The following ZBTB20 variants were observed in gnomAD, a reference collection of about 807,000 sequenced individuals.
ZBTB20 encodes zinc finger and BTB domain containing 20, also known as zinc finger and BTB domain-containing protein 20.
A neutral mutation model predicts 56.9 loss-of-function variants in ZBTB20; 9 were observed. The observed-to-expected ratio is 0.16, with a 90% CI of 0.10 to 0.28. ZBTB20 has a LOEUF of 0.28. Among genes scored for constraint, ZBTB20 ranks in the 10% least tolerant of loss-of-function variants. ZBTB20 has a pLI of 1.00. For synonymous variants in ZBTB20, 417 were observed against 420.7 expected, an observed-to-expected ratio of 0.99 and a Z score of 0.11; for missense variants, 655 against 1,003.0, an observed-to-expected ratio of 0.65 and a Z score of 4.69.
At chr3:114,675,898 T>C (rs1227285367) in intron 6 of ZBTB20, among the ~76,000 whole-genome samples, 2 of 152,128 alleles carry the variant, frequency 1.3e-5, no homozygotes, top group African/African-American at 4.8e-5. Flanking sequence ...TCAGTTAATA[T>C]TTATTTAACT....
chr3:115,077,401 C>T (rs1345509256), intron 1 of ZBTB20, among the ~76,000 whole-genome samples: 6 of 152,154 alleles, frequency 3.9e-5, no homozygotes, highest in Admixed American at 3.9e-4. Flanking sequence ...GAGCTGTTTG[C>T]CCTTCCACAA....
chr3:114,853,328 T>C (rs1056878714), intron 4 of ZBTB20, among the ~76,000 whole-genome samples: 6 of 152,252 alleles, frequency 3.9e-5, no homozygotes, highest in Non-Finnish European at 8.8e-5. Context: ...ACTCTCGACA[T>C]TGTCCCTGTT....
At chr3:114,921,994 G>A (rs1560401338) in intron 3 of ZBTB20, among the ~76,000 whole-genome samples, 3 of 152,068 alleles carry the variant, frequency 2.0e-5, no homozygotes, top group Non-Finnish European at 4.4e-5. Flanking sequence ...ACATTAAAAG[G>A]ATCATACACC....
chr3:114,645,771 G>T (rs922460577), intron 6 of ZBTB20, among the ~76,000 whole-genome samples: 2 of 152,010 alleles, frequency 1.3e-5, no homozygotes, highest in Admixed American at 1.3e-4. Context: ...TTTACCATTT[G>T]CCTTTACCAG....
chr3:114,948,967 A>G (rs1286643576), intron 3 of ZBTB20, among the ~76,000 whole-genome samples: 1 of 146,194 alleles, frequency 6.8e-6, no homozygotes, highest in Non-Finnish European at 1.5e-5. Context: ...AAGGAACAAG[A>G]CTAACTAAAA....
intron 2 of ZBTB20, among the ~76,000 whole-genome samples, chr3:115,037,845 T>G (rs938607888): frequency 6.6e-6 from 1 of 152,196 alleles, no homozygotes; most frequent in Non-Finnish European, 1.5e-5. Flanking sequence ...TACCTGTAAG[T>G]TGCTATTCCT....
chr3:114,360,406 C>G (rs1268556737), intron 10 of ZBTB20, among the ~76,000 whole-genome samples: 1 of 149,248 alleles, frequency 6.7e-6, no homozygotes, highest in African/African-American at 2.5e-5. Flanking sequence ...TGCAGTGGCG[C>G]GATCTCCAGC....
chr3:114,821,302 A>C (rs2073228996), intron 4 of ZBTB20, among the ~76,000 whole-genome samples: 1 of 151,976 alleles, frequency 6.6e-6, no homozygotes, highest in Admixed American at 6.6e-5. Flanking sequence ...CCAATGTCCA[A>C]CTCCATTCAG....
intron 5 of ZBTB20, among the ~76,000 whole-genome samples, chr3:114,712,491 A>G (rs2064152989): frequency 1.3e-5 from 2 of 151,878 alleles, no homozygotes; most frequent in African/African-American, 4.8e-5. Flanking sequence ...TCTCTACTAA[A>G]AATTAAAAAA....
intron 6 of ZBTB20, among the ~76,000 whole-genome samples, chr3:114,544,272 G>T (rs892541495): frequency 6.6e-6 from 1 of 151,984 alleles, no homozygotes; most frequent in Non-Finnish European, 1.5e-5. Context: ...AAAATGCCAA[G>T]AATTGCCAAC....
In ZBTB20 at chr3:115,071,425, G is replaced by A. The variant is rs929761764; in HGVS notation, c.-702-11C>T. 6.6e-6 allele frequency: 1 copy of A among 152,172 alleles called. No individual in the cohort carries two copies. Among genetic ancestry groups the A allele is most frequent in the African/African-American group, 2.4e-5 (1 of 41,412 alleles). 9.4% of individuals were successfully genotyped at this position (152,172 alleles called of 1,614,324 possible). A position where few individuals can be genotyped will look rare whatever the true frequency, so the allele number is the denominator to read the frequency against. On this transcript the variant is annotated splice_polypyrimidine_tract_variant and intron_variant, in intron 1 of 11. Coordinates refer to ENST00000675478, the MANE Select transcript of ZBTB20 (RefSeq NM_001348800.3). ...AAGTCCTGGCAGTGCCTTTGGTGAG[G>A]AGAGTAAAGAAGAAATAGAAAGATT...
chr3:114,773,742 A>C (rs919090722), intron 5 of ZBTB20, among the ~76,000 whole-genome samples: 5 of 152,222 alleles, frequency 3.3e-5, no homozygotes, highest in African/African-American at 9.6e-5. Flanking sequence ...CAATGAAAAA[A>C]AGAGAAAGAA....
intron 6 of ZBTB20, among the ~76,000 whole-genome samples, chr3:114,625,564 C>A (rs997464590): frequency 6.6e-6 from 1 of 151,868 alleles, no homozygotes; most frequent in Non-Finnish European, 1.5e-5. Context: ...CTGTATATAG[C>A]CTGTATGAAA....
At chr3:114,505,066 C>T (rs1395931215) in intron 6 of ZBTB20, among the ~76,000 whole-genome samples, 2 of 152,128 alleles carry the variant, frequency 1.3e-5, no homozygotes, top group African/African-American at 4.8e-5. Flanking sequence ...GATTTGCATT[C>T]TAAATATTTC....
At chr3:114,669,743 A>G (rs1335348686) in intron 6 of ZBTB20, among the ~76,000 whole-genome samples, 1 of 152,166 alleles carries the variant, frequency 6.6e-6, no homozygotes, top group Admixed American at 6.6e-5. Flanking sequence ...TCATTTGTGC[A>G]GAACATAGCA....
chr3:114,324,638 CA>C lies in ZBTB20; in HGVS notation c.*14366del, dbSNP rs2079005134. ...CACACAGAAGTACAATTATTAAATA[CA>C]AAAGTGAATTATTACAGCAAAATTA... On this transcript the variant is annotated 3_prime_UTR_variant, in exon 12 of 12. Coordinates refer to ENST00000675478, the MANE Select transcript of ZBTB20 (RefSeq NM_001348800.3). 6.6e-6 allele frequency: 1 copy of C among 152,070 alleles called. No individual in the cohort carries two copies. The highest frequency in any genetic ancestry group is 2.4e-5 in the African/African-American group (1 of 41,418). 9.4% of individuals were successfully genotyped at this position (152,070 alleles called of 1,614,324 possible).
chr3:114,575,842 C>A (rs1265183971), intron 6 of ZBTB20, among the ~76,000 whole-genome samples: 2 of 152,116 alleles, frequency 1.3e-5, no homozygotes, highest in East Asian at 3.8e-4. Context: ...TGGAAATAGC[C>A]ATGAATGGAC....
intron 7 of ZBTB20, among the ~76,000 whole-genome samples, chr3:114,466,488 T>A (rs980235050): frequency 1.3e-5 from 2 of 152,202 alleles, no homozygotes; most frequent in Admixed American, 1.3e-4. Context: ...CTTTGCTCCC[T>A]CTTAGGAGAT....
rs2079472338 is a variant in ZBTB20 at position 114,336,800 on chromosome 3, A to G, written c.*2205T>C. 6.6e-6 allele frequency: 1 copy of G among 152,232 alleles called. No homozygotes were observed. Among genetic ancestry groups the G allele is most frequent in the South Asian group, 2.1e-4 (1 of 4,834 alleles). The allele number at this position is 152,232 out of a possible 1,614,324, so 9.4% of individuals were successfully genotyped here. A position where few individuals can be genotyped will look rare whatever the true frequency, so the allele number is the denominator to read the frequency against. ...TAAAATGTAATGTAATTTTGAAACT[A>G]AAATACGCTCTCCTTTCTTCTTTTT... On this transcript the variant is annotated 3_prime_UTR_variant, in exon 12 of 12. Coordinates refer to ENST00000675478, the MANE Select transcript of ZBTB20 (RefSeq NM_001348800.3).
Sources: allele counts gnomAD v4.1 joint callset (sites outside exome capture counted in the v4.1 genomes callset), GRCh38; gene constraint gnomAD v4.1.1; transcripts MANE v1.5; gene names NCBI Gene and HGNC (gene_info 2026-07-23, HGNC 2026-07-21).